CDK17: variants seen among roughly 807,000 people sequenced by gnomAD.
CDK17 encodes cyclin-dependent kinase 17.
Under a neutral mutation model 77.6 loss-of-function variants are expected in CDK17, and 24 were observed. That is an observed-to-expected ratio of 0.31 (90% CI 0.22 to 0.44). CDK17 has a LOEUF of 0.44. Ranked by LOEUF, CDK17 falls within the 20% of genes least tolerant of loss-of-function variation. The pLI is 1.00. For missense variants in CDK17, 429 were observed against 622.5 expected, an observed-to-expected ratio of 0.69 and a Z score of 3.31; for synonymous variants, 203 against 210.4, an observed-to-expected ratio of 0.96 and a Z score of 0.30.
At chr12:96,309,724 G>A (rs1026818892) in intron 5 of CDK17, among the ~76,000 whole-genome samples, 4 of 152,136 alleles carry the variant, frequency 2.6e-5, no homozygotes, top group African/African-American at 7.2e-5. Flanking sequence ...ATAAACATAC[G>A]ATGAATAATA....
chr12:96,372,003 GTGTGTGTT>G (rs60958311), intron 1 of CDK17, among the ~76,000 whole-genome samples: 71,581 of 126,810 alleles, frequency 0.56, 18,086 homozygotes, highest in East Asian at 0.79. Flanking sequence ...GTGTGAGTGA[GTGTGTGTT>G]TGTGTGTGTG....
At chr12:96,349,597 T>G (rs1481135971) in intron 1 of CDK17, among the ~76,000 whole-genome samples, 1 of 135,342 alleles carries the variant, frequency 7.4e-6, no homozygotes, top group Non-Finnish European at 1.6e-5. Flanking sequence ...AATCACTCAA[T>G]AAACAAAAGA....
intron 1 of CDK17, among the ~76,000 whole-genome samples, chr12:96,367,464 TAAC>T (rs1483203369): frequency 6.6e-6 from 1 of 151,500 alleles, no homozygotes; most frequent in Admixed American, 6.6e-5. Context: ...AATTTGTTAC[TAAC>T]AGTCGAAATA....
intron 1 of CDK17, among the ~76,000 whole-genome samples, chr12:96,349,299 C>A (rs2137168813): frequency 6.6e-6 from 1 of 151,896 alleles, no homozygotes; most frequent in Admixed American, 6.6e-5. Context: ...ACTAAAAATA[C>A]AAAATTAGCC....
chr12:96,350,744 A>G (rs1953297992), intron 1 of CDK17, among the ~76,000 whole-genome samples: 1 of 152,208 alleles, frequency 6.6e-6, no homozygotes, highest in Admixed American at 6.5e-5. Flanking sequence ...AGGCCTAAAT[A>G]TAAGAGTTAA....
intron 1 of CDK17, among the ~76,000 whole-genome samples, chr12:96,373,899 G>A (rs1953735713): frequency 1.3e-5 from 2 of 151,844 alleles, no homozygotes; most frequent in Admixed American, 6.6e-5. Flanking sequence ...CACCCTGGGC[G>A]ACAGAGCGAA....
intron 1 of CDK17, among the ~76,000 whole-genome samples, chr12:96,394,239 C>T (rs142687817): frequency 0.049 from 7,383 of 149,634 alleles, 238 homozygotes; most frequent in Non-Finnish European, 0.061. Context: ...GAGTGAGACT[C>T]CATCTCAAAA....
At chr12:96,359,819 A>G (rs1953465057) in intron 1 of CDK17, among the ~76,000 whole-genome samples, 1 of 152,230 alleles carries the variant, frequency 6.6e-6, no homozygotes, top group African/African-American at 2.4e-5. Context: ...TCTGAAAGAC[A>G]GAAAACAAAT....
chr12:96,295,702 C>A (rs907782723), intron 9 of CDK17, among the ~76,000 whole-genome samples: 11 of 152,192 alleles, frequency 7.2e-5, no homozygotes, highest in African/African-American at 2.4e-4. Flanking sequence ...TCACCCATCT[C>A]TTGGGTACTT....
At chr12:96,292,187 G>C (rs1248484071) in intron 10 of CDK17, among the ~76,000 whole-genome samples, 2 of 152,006 alleles carry the variant, frequency 1.3e-5, no homozygotes, top group Non-Finnish European at 2.9e-5. Flanking sequence ...TCTTCAAATG[G>C]CAAAGTATTA....
At chr12:96,369,296 C>T (rs1953652312) in intron 1 of CDK17, among the ~76,000 whole-genome samples, 1 of 152,112 alleles carries the variant, frequency 6.6e-6, no homozygotes. Context: ...CATAAACCAA[C>T]ACAGTCTCTA....
intron 1 of CDK17, among the ~76,000 whole-genome samples, chr12:96,376,675 C>G (rs1039290782): frequency 6.6e-6 from 1 of 152,178 alleles, no homozygotes; most frequent in Non-Finnish European, 1.5e-5. Flanking sequence ...TCCACTGACA[C>G]TACTGGCCAG....
At chr12:96,296,278 C>G (rs2137079844) in intron 9 of CDK17, among the ~76,000 whole-genome samples, 1 of 151,962 alleles carries the variant, frequency 6.6e-6, no homozygotes, top group South Asian at 2.1e-4. Context: ...GCAGGAAAAA[C>G]AAAATTAAAA....
At chr12:96,315,000 G>C (rs1423512063) in intron 3 of CDK17, among the ~76,000 whole-genome samples, 1 of 152,166 alleles carries the variant, frequency 6.6e-6, no homozygotes, top group Admixed American at 6.5e-5. Flanking sequence ...ATGGGATTTA[G>C]CTTGTTCACT....
intron 1 of CDK17, among the ~76,000 whole-genome samples, chr12:96,336,489 T>A (rs868061763): frequency 3.3e-5 from 5 of 152,138 alleles, no homozygotes; most frequent in South Asian, 2.1e-4. Context: ...AATAATTTTT[T>A]AAAAATCCAC....
chr12:96,283,912 GT>G (rs1188403612), intron 13 of CDK17, among the ~76,000 whole-genome samples: 2 of 152,148 alleles, frequency 1.3e-5, no homozygotes, highest in Admixed American at 6.5e-5. Flanking sequence ...TCACCATGCT[GT>G]CTCAAAACAA....
At chr12:96,289,939 A>C (rs1278958450) in intron 10 of CDK17, among the ~76,000 whole-genome samples, 3 of 152,174 alleles carry the variant, frequency 2.0e-5, no homozygotes, top group Non-Finnish European at 4.4e-5. Context: ...AGGGGTGTCC[A>C]ATCTTTTAGC....
intron 2 of CDK17, among the ~76,000 whole-genome samples, chr12:96,326,959 A>G (rs1952899178): frequency 6.6e-6 from 1 of 152,240 alleles, no homozygotes; most frequent in Non-Finnish European, 1.5e-5. Context: ...GATCTGATTC[A>G]TGTTTCAAAA....
At chr12:96,308,254 T>TAAAAAAAAAAAAAAAAAAAAAAAAAA (rs1952601912) in intron 5 of CDK17, among the ~76,000 whole-genome samples, 1 of 108,782 alleles carries the variant, frequency 9.2e-6, no homozygotes, top group African/African-American at 2.9e-5. Flanking sequence ...AAAAAAAAAG[T>TAAAAAAAAAAAAAAAAAAAAAAAAAA]TTTTTAATTA....
Sources: allele counts gnomAD v4.1 joint callset (sites outside exome capture counted in the v4.1 genomes callset), GRCh38; gene constraint gnomAD v4.1.1; transcripts MANE v1.5; gene names NCBI Gene and HGNC (gene_info 2026-07-23, HGNC 2026-07-21).